The following PLXNA4 variants were observed in gnomAD, a reference collection of about 807,000 sequenced individuals.
PLXNA4 encodes plexin A4.
PLXNA4 carries 44 observed loss-of-function variants against 191.8 expected under a neutral mutation model. The observed-to-expected ratio is 0.23, with a 90% CI of 0.18 to 0.29. The LOEUF (loss-of-function observed/expected upper bound fraction) is 0.29. Among genes scored for constraint, PLXNA4 ranks in the 10% least tolerant of loss-of-function variants. The probability of loss-of-function intolerance (pLI) is 1.00; values close to 1 mark genes in which losing one functional copy is unlikely to be tolerated. For synonymous variants in PLXNA4, 1,082 were observed against 1,009.5 expected, an observed-to-expected ratio of 1.07 and a Z score of -1.36; for missense variants, 1,800 against 2,488.8, an observed-to-expected ratio of 0.72 and a Z score of 5.89.
chr7:132,466,813 TAGC>T (rs1225748967), intron 3 of PLXNA4, among the ~76,000 whole-genome samples: 2 of 152,224 alleles, frequency 1.3e-5, no homozygotes, highest in African/African-American at 4.8e-5. Context: ...TGTGTTCTTT[TAGC>T]AGATTTGCAG....
chr7:132,203,442 G>C, intron 10 of PLXNA4, 23 bp from the exon 11 acceptor site: 2 of 1,603,164 alleles, frequency 1.2e-6, no homozygotes, highest in Non-Finnish European at 8.5e-7. Context: ...CGGGGAGGAG[G>C]AAAGAAGAAA....
rs749633288 is a variant in PLXNA4, at chr7:132,508,603, C to G, written c.91G>C (p.Ala31Pro). The change falls in exon 2 of 32, where the codon GCC (alanine) becomes CCC (proline). Residue 31 changes from alanine to proline, a missense_variant. Physicochemically the swap from Ala to Pro is conservative, Grantham distance 27 (BLOSUM62 -1). Around this residue, in one of 6 missense-constraint regions of PLXNA4, gnomAD observed 1,397 missense variants for 1,880.4 expected, o/e 0.74. Transcript: ENST00000321063. This position sits in a 1 kb window ranked among gnomAD's most constrained non-coding sequence, Gnocchi z 4.4. ...GACCGCTGCTTCTGGGACAGCGGGG[C>G]TGGCTGCCGGGTGAGCAAAGTGGAG... is the stretch of plus-strand genomic sequence containing the variant. ...GSSTLLTRQP[A>P]PLSQKQRSFV... The G allele has an allele frequency of 6.2e-7, 1 of 1,612,992 alleles. No individual in the cohort carries two copies. Among genetic ancestry groups the G allele is most frequent in the South Asian group, 1.1e-5 (1 of 90,926 alleles).
chr7:132,503,150 TC>T (rs151001874), intron 2 of PLXNA4, among the ~76,000 whole-genome samples: 2,331 of 152,154 alleles, frequency 0.015, 65 homozygotes, highest in African/African-American at 0.054. Context: ...TGACAGTCAC[TC>T]CCATGACCAC....
intron 3 of PLXNA4, among the ~76,000 whole-genome samples, chr7:132,365,493 CTAAAA>C (rs1563059115): frequency 1.3e-5 from 2 of 152,112 alleles, no homozygotes; most frequent in Non-Finnish European, 2.9e-5. Context: ...TTCCTCATCT[CTAAAA>C]TAAAAGTTGT....
chr7:132,581,994 C>T (rs549728328), upstream of PLXNA4, among the ~76,000 whole-genome samples: 1 of 152,288 alleles, frequency 6.6e-6, no homozygotes, highest in South Asian at 2.1e-4. Context: ...TGACTTAACT[C>T]CATTGGCCAG....
chr7:132,283,273 T>C (rs1486586879), intron 4 of PLXNA4, among the ~76,000 whole-genome samples: 1 of 152,198 alleles, frequency 6.6e-6, no homozygotes, highest in Non-Finnish European at 1.5e-5. Context: ...GATACATGAA[T>C]TCCTGTTGAG....
Position 132,508,798 on chromosome 7 carries a change from A to T in PLXNA4, c.-86-19T>A. The T allele has an allele frequency of 7.0e-7, 1 of 1,434,384 alleles. No homozygotes were observed. Among genetic ancestry groups the T allele is most frequent in the South Asian group, 1.5e-5 (1 of 66,648 alleles). 88.9% of individuals were successfully genotyped at this position (1,434,384 alleles called of 1,614,324 possible). A position where few individuals can be genotyped will look rare whatever the true frequency, so the allele number is the denominator to read the frequency against. On this transcript the variant is annotated intron_variant, in intron 1 of 31. Coordinates refer to ENST00000321063, the MANE Select transcript of PLXNA4 (RefSeq NM_020911.2). The surrounding 1 kb of genome is among the most constrained non-coding windows in gnomAD (Gnocchi z 4.4). ...TCCCCTACTGGAGAAAGGGAAGACA[A>T]TGAGCTGGATAACAATGCCAGTGGC...
At chr7:132,428,074 G>T (rs1055495539) in intron 3 of PLXNA4, among the ~76,000 whole-genome samples, 1 of 152,286 alleles carries the variant, frequency 6.6e-6, no homozygotes, top group Non-Finnish European at 1.5e-5. Context: ...AAGGGACACT[G>T]CAGGAAAGCC....
intron 3 of PLXNA4, among the ~76,000 whole-genome samples, chr7:132,438,158 G>A (rs1041098566): frequency 6.6e-6 from 1 of 152,202 alleles, no homozygotes; most frequent in Non-Finnish European, 1.5e-5. Flanking sequence ...CATGCCAAAA[G>A]CATATTTATA....
chr7:132,275,942 G>A (rs894004812), intron 4 of PLXNA4, among the ~76,000 whole-genome samples: 4 of 152,140 alleles, frequency 2.6e-5, no homozygotes, highest in Non-Finnish European at 5.9e-5. Flanking sequence ...TGTTCTCCTT[G>A]AAGACATCTG....
chr7:132,126,632 C>A lies in PLXNA4; in HGVS notation c.*3847G>T. On this transcript the variant is annotated 3_prime_UTR_variant, in exon 32 of 32. Coordinates refer to ENST00000321063, the MANE Select transcript of PLXNA4 (RefSeq NM_020911.2). ...GGTCAGAGACTTTTCCTGTGGGTAA[C>A]TCCTGCTTCTTCCTGGGAACAGTCC... 1 of 152,254 alleles carries A rather than the reference C, an allele frequency of 6.6e-6. No homozygotes were observed. The highest frequency in any genetic ancestry group is 1.9e-4 in the East Asian group (1 of 5,200). 9.4% of individuals were successfully genotyped at this position (152,254 alleles called of 1,614,324 possible). A position where few individuals can be genotyped will look rare whatever the true frequency, so the allele number is the denominator to read the frequency against.
chr7:132,526,769 G>A (rs1479923667), intron 1 of PLXNA4, among the ~76,000 whole-genome samples: 1 of 152,156 alleles, frequency 6.6e-6, no homozygotes, highest in Non-Finnish European at 1.5e-5. Flanking sequence ...TCTCAAATAG[G>A]TCACTAGGAC....
In PLXNA4 at chr7:132,213,355, T is replaced by C. The variant is rs376563329; in HGVS notation, c.2098-2212A>G. Among the ~76,000 whole-genome samples, 245 of 152,230 alleles carry C rather than the reference T, an allele frequency of 1.6e-3. 10 individuals carry two copies. In the South Asian group the frequency reaches 0.044, roughly 28 times the overall value. On this transcript the variant is annotated intron_variant, in intron 9 of 31. Coordinates refer to ENST00000321063, the MANE Select transcript of PLXNA4 (RefSeq NM_020911.2). ...CACTGAACTATATCCTTAAAACCGG[T>C]TCAGATGGTAAATGTTATGATATGT...
At chr7:132,164,009 G>T in intron 24 of PLXNA4, 133 bp downstream of exon 24, 1 of 1,412,844 alleles carries the variant, frequency 7.1e-7, no homozygotes, top group African/African-American at 1.4e-5. Context: ...GGAGCACCTG[G>T]CTGGGCCCAC....
At chr7:132,177,605 G>T (rs961990017) in intron 20 of PLXNA4, among the ~76,000 whole-genome samples, 3 of 152,214 alleles carry the variant, frequency 2.0e-5, no homozygotes, top group African/African-American at 7.2e-5. Flanking sequence ...CTCCCTCCCA[G>T]TTGGGGTGCT....
At chr7:132,274,188 C>T (rs1465698916) in intron 4 of PLXNA4, among the ~76,000 whole-genome samples, 2 of 151,802 alleles carry the variant, frequency 1.3e-5, no homozygotes, top group South Asian at 2.1e-4. Context: ...AGAAGACTGA[C>T]AGCAAAGGGT....
intron 3 of PLXNA4, among the ~76,000 whole-genome samples, chr7:132,351,489 G>A (rs1803483458): frequency 6.6e-6 from 1 of 152,206 alleles, no homozygotes; most frequent in South Asian, 2.1e-4. Context: ...CTCTAGCAGA[G>A]GGTGTGTGAG....
chr7:132,565,151 A>T (rs1442979133), intron 1 of PLXNA4, among the ~76,000 whole-genome samples: 2 of 152,076 alleles, frequency 1.3e-5, no homozygotes, highest in Non-Finnish European at 2.9e-5. Context: ...TCTGATGCTC[A>T]CCCAACCCTT....
At chr7:132,368,574 A>C (rs1458641506) in intron 3 of PLXNA4, among the ~76,000 whole-genome samples, 2 of 152,202 alleles carry the variant, frequency 1.3e-5, no homozygotes, top group African/African-American at 4.8e-5. Context: ...TGGAGTGTCT[A>C]GAGTGGGGCC....
Sources: gnomAD v4.1 joint callset for allele counts (sites outside exome capture counted in the v4.1 genomes callset) on GRCh38, gnomAD v4.1.1 for gene constraint, gnomAD v4.1.1 regional missense constraint, Gnocchi (gnomAD v3.1) non-coding constraint, MANE v1.5 for transcripts, NCBI Gene and HGNC (gene_info 2026-07-23, HGNC 2026-07-21) for gene names.